Variants in ARIH1 observed in about 807,000 individuals in gnomAD.
The protein encoded by ARIH1 is ariadne RBR E3 ubiquitin protein ligase 1, also known as E3 ubiquitin-protein ligase ARIH1.
ARIH1 carries 8 observed loss-of-function variants against 85.0 expected under a neutral mutation model. That is an observed-to-expected ratio of 0.09 (90% confidence interval 0.06 to 0.17). ARIH1 has a LOEUF of 0.17. ARIH1 is among the 10% of genes least tolerant of loss of function. The pLI, the probability that ARIH1 is intolerant of heterozygous loss-of-function variation, is 1.00. For missense variants in ARIH1, 311 were observed against 718.1 expected, an observed-to-expected ratio of 0.43 and a Z score of 6.48; for synonymous variants, 238 against 253.6, an observed-to-expected ratio of 0.94 and a Z score of 0.59.
chr15:72,556,102 A>G (rs190538411), intron 5 of ARIH1, among the ~76,000 whole-genome samples, 195 bp downstream of exon 5: 35 of 152,354 alleles, frequency 2.3e-4, no homozygotes, highest in African/African-American at 8.4e-4. Context: ...ACAAACTTAG[A>G]AATGCATGGT....
intron 1 of ARIH1, among the ~76,000 whole-genome samples, chr15:72,485,164 T>C (rs184490114): frequency 2.9e-4 from 44 of 152,356 alleles, no homozygotes; most frequent in Admixed American, 2.0e-4. Context: ...CCACGTACTC[T>C]ACCGATTTTT....
intron 1 of ARIH1, among the ~76,000 whole-genome samples, chr15:72,514,251 G>T (rs1423063154): frequency 6.6e-6 from 1 of 151,976 alleles, no homozygotes; most frequent in African/African-American, 2.4e-5. Context: ...GGGCCTGAGA[G>T]ATTGTTTGTT....
At chr15:72,522,857 A>G (rs528091213) in intron 2 of ARIH1, among the ~76,000 whole-genome samples, 3 of 152,340 alleles carry the variant, frequency 2.0e-5, no homozygotes, top group African/African-American at 7.2e-5. Context: ...ACACCTCACC[A>G]AAGAAGTTAT....
chr15:72,528,681 C>T (rs2064041077), intron 2 of ARIH1, among the ~76,000 whole-genome samples: 1 of 151,946 alleles, frequency 6.6e-6, no homozygotes, highest in African/African-American at 2.4e-5. Flanking sequence ...TAGGGAGACC[C>T]CCATCTCTAC....
At chr15:72,522,992 A>G (rs980289599) in intron 2 of ARIH1, among the ~76,000 whole-genome samples, 1 of 152,200 alleles carries the variant, frequency 6.6e-6, no homozygotes, top group South Asian at 2.1e-4. Flanking sequence ...CTGACTACCA[A>G]ATGTGGACCA....
chr15:72,559,261 G>GT (rs545945800), intron 5 of ARIH1, among the ~76,000 whole-genome samples: 10 of 151,554 alleles, frequency 6.6e-5, no homozygotes, highest in Admixed American at 2.6e-4. Flanking sequence ...AAGCAATGGG[G>GT]TTTTTTTTGT....
intron 2 of ARIH1, among the ~76,000 whole-genome samples, chr15:72,519,214 G>A (rs2063988032): frequency 6.6e-6 from 1 of 151,940 alleles, no homozygotes; most frequent in Non-Finnish European, 1.5e-5. Flanking sequence ...TAAATGGAAA[G>A]TATTTCCCAT....
At chr15:72,517,355 A>G (rs2063979739) in intron 1 of ARIH1, among the ~76,000 whole-genome samples, 1 of 152,050 alleles carries the variant, frequency 6.6e-6, no homozygotes, top group Admixed American at 6.5e-5. Context: ...TCCTGCCTCA[A>G]CCTCCTGAGT....
Position 72,593,459 on chromosome 15 carries a change from G to T in ARIH1, c.*10167G>T, listed in dbSNP as rs1485929292. 6.6e-6 allele frequency: 1 copy of T among 152,094 alleles called. No individual in the cohort carries two copies. 9.4% of individuals were successfully genotyped at this position (152,094 alleles called of 1,614,324 possible). On this transcript the variant is annotated 3_prime_UTR_variant, in exon 14 of 14. Coordinates refer to ENST00000379887, the MANE Select transcript of ARIH1 (RefSeq NM_005744.5). The stretch of plus-strand genomic sequence containing the variant: ...TTTTCTTCTAGAAGTTTTATGGTTT[G>T]GGATTTTATGTTTAGGTCTGTGATC...
chr15:72,602,870 G>A lies in ARIH1; in HGVS notation c.*19578G>A, dbSNP rs1235365650. The A allele has an allele frequency of 6.6e-6, 1 of 152,146 alleles. No homozygotes were observed. The highest frequency in any genetic ancestry group is 1.5e-5 in the Non-Finnish European group (1 of 68,052). The allele number at this position is 152,146 out of a possible 1,614,324, so 9.4% of individuals were successfully genotyped here. A position where few individuals can be genotyped will look rare whatever the true frequency, so the allele number is the denominator to read the frequency against. ...CCCAAAATGGCACCCTTCCTGAAAA[G>A]ATTTCTAGTGGATACTGTTTTCTGT... On this transcript the variant is annotated 3_prime_UTR_variant, in exon 14 of 14. Coordinates refer to ENST00000379887, the MANE Select transcript of ARIH1 (RefSeq NM_005744.5).
Position 72,544,875 on chromosome 15 carries a change from A to T in ARIH1, c.499A>T (p.Ser167Cys). 1 of 1,613,658 alleles carries T rather than the reference A, an allele frequency of 6.2e-7. No individual in the cohort carries two copies. The highest frequency in any genetic ancestry group is 8.5e-7 in the Non-Finnish European group (1 of 1,179,612). ...LFAECHVINPSKKSRTRQMNT... is the reference protein window; with the variant it reads ...LFAECHVINPCKKSRTRQMNT... ...TGCTGAGTGTCATGTAATTAATCCA[A>T]GTAAAAAGTCTCGAACACGCCAGAT... The change falls in exon 3 of 14, where the codon AGT becomes TGT. Residue 167 changes from serine (S) to cysteine (C), a missense_variant. Transcript: ENST00000379887.
At chr15:72,564,479 T>C (rs558897195) in intron 7 of ARIH1, among the ~76,000 whole-genome samples, 1 of 152,336 alleles carries the variant, frequency 6.6e-6, no homozygotes, top group South Asian at 2.1e-4. Context: ...CTCACCAGAA[T>C]TACCCTTAAC....
At chr15:72,560,124 T>C (rs2064191638) in intron 5 of ARIH1, among the ~76,000 whole-genome samples, 1 of 152,218 alleles carries the variant, frequency 6.6e-6, no homozygotes, top group Non-Finnish European at 1.5e-5. Context: ...ATTTACTCAT[T>C]TAAAAAATAT....
intron 2 of ARIH1, among the ~76,000 whole-genome samples, chr15:72,543,504 G>A (rs1304047657): frequency 6.6e-6 from 1 of 152,058 alleles, no homozygotes; most frequent in Non-Finnish European, 1.5e-5. Flanking sequence ...CATTTCGATT[G>A]ATAATATGAT....
intron 1 of ARIH1, among the ~76,000 whole-genome samples, chr15:72,505,902 T>A (rs2063922598): frequency 6.6e-6 from 1 of 151,978 alleles, no homozygotes; most frequent in Non-Finnish European, 1.5e-5. Context: ...TAGCGGGTAA[T>A]TTTTTGTGTT....
intron 3 of ARIH1, among the ~76,000 whole-genome samples, chr15:72,554,078 TTTTA>T (rs1416121713): frequency 8.5e-5 from 13 of 152,348 alleles, no homozygotes; most frequent in African/African-American, 3.1e-4. Flanking sequence ...CTGAATAATA[TTTTA>T]TTTATGGAAA....
intron 1 of ARIH1, among the ~76,000 whole-genome samples, chr15:72,497,327 T>C (rs578028275): frequency 1.9e-3 from 284 of 152,356 alleles, no homozygotes; most frequent in Non-Finnish European, 3.6e-3. Context: ...ATAATCTAAA[T>C]CTTCCTGTTA....
chr15:72,567,844 C>T (rs2064227734), intron 9 of ARIH1, among the ~76,000 whole-genome samples: 1 of 152,044 alleles, frequency 6.6e-6, no homozygotes, highest in Non-Finnish European at 1.5e-5. Flanking sequence ...ATGGGCTATT[C>T]ATTTTTAGTA....
chr15:72,524,035 C>A (rs1297828358), intron 2 of ARIH1, among the ~76,000 whole-genome samples: 5 of 148,046 alleles, frequency 3.4e-5, no homozygotes, highest in Non-Finnish European at 4.5e-5. Flanking sequence ...TAAGCTCCGC[C>A]TCCCGGGCTC....
Sources: allele counts gnomAD v4.1 joint callset (sites outside exome capture counted in the v4.1 genomes callset), GRCh38; gene constraint gnomAD v4.1.1; transcripts MANE v1.5; gene names NCBI Gene and HGNC (gene_info 2026-07-23, HGNC 2026-07-21).